Variants in GUCY1A2 observed in about 807,000 individuals in gnomAD.
GUCY1A2 encodes the protein guanylate cyclase soluble subunit alpha-2.
In GUCY1A2, 27 loss-of-function variants were observed where a neutral mutation model predicts 63.5. The ratio of observed to expected loss-of-function variants is 0.43; its 90% CI spans 0.31 to 0.59. The LOEUF is 0.59. GUCY1A2 is among the 20% of genes least tolerant of loss of function. The pLI is 0.11. For missense variants in GUCY1A2, 768 were observed against 913.3 expected (o/e 0.84, Z 2.05); for synonymous variants, 364 against 343.5 (o/e 1.06, Z -0.66).
intron 5 of GUCY1A2, among the ~76,000 whole-genome samples, chr11:106,791,596 T>C (rs1893131): frequency 0.46 from 69,647 of 152,058 alleles, 16,303 homozygotes; most frequent in African/African-American, 0.52. Context: ...TAATTCATTT[T>C]TTAAAGGAGA....
At chr11:106,762,576 A>T (rs936735760) in intron 6 of GUCY1A2, among the ~76,000 whole-genome samples, 1 of 152,080 alleles carries the variant, frequency 6.6e-6, no homozygotes, top group African/African-American at 2.4e-5. Context: ...TATGAAGAAA[A>T]TTATTTTCTG....
rs1248488867 is a variant in GUCY1A2, at chr11:106,816,761, T to C, written c.1207-6283A>G. Among the ~76,000 whole-genome samples the C allele has an allele frequency of 4.0e-5, 6 of 151,408 alleles. No individual in the cohort carries two copies. In the East Asian group the frequency reaches 7.8e-4, roughly 20 times the overall value. On this transcript the variant is annotated intron_variant, in intron 4 of 7. Coordinates refer to ENST00000526355, the MANE Select transcript of GUCY1A2 (RefSeq NM_000855.3). ...ACAAAAATCAACATAAGGAACAAGA[T>C]AGGGGTTATCACTATAGATAATATA... is the stretch of plus-strand genomic sequence containing the variant.
intron 6 of GUCY1A2, among the ~76,000 whole-genome samples, chr11:106,750,615 T>A (rs1863865929): frequency 6.6e-6 from 1 of 151,994 alleles, no homozygotes. Context: ...GACACTACTA[T>A]AAATGAAATG....
chr11:106,786,158 T>C (rs1030578827), intron 5 of GUCY1A2, among the ~76,000 whole-genome samples: 1 of 152,198 alleles, frequency 6.6e-6, no homozygotes, highest in African/African-American at 2.4e-5. Context: ...CCAAGCTCAT[T>C]GTACATAATG....
At chr11:106,688,177 T>C (rs1484059273) in intron 7 of GUCY1A2, among the ~76,000 whole-genome samples, 14 of 152,204 alleles carry the variant, frequency 9.2e-5, no homozygotes, top group Admixed American at 9.2e-4. Context: ...CCTTTTATGT[T>C]TGGTAAACCG....
intron 4 of GUCY1A2, among the ~76,000 whole-genome samples, chr11:106,869,775 T>C (rs1859648089): frequency 6.6e-6 from 1 of 152,142 alleles, no homozygotes; most frequent in African/African-American, 2.4e-5. Flanking sequence ...CAAAGGAATA[T>C]AAATCATGCT....
chr11:106,811,348 A>G (rs1204825799), intron 4 of GUCY1A2, among the ~76,000 whole-genome samples: 2 of 152,060 alleles, frequency 1.3e-5, no homozygotes, highest in Non-Finnish European at 1.5e-5. Context: ...GAGCTGGGGT[A>G]TGGCTACAAC....
intron 6 of GUCY1A2, among the ~76,000 whole-genome samples, chr11:106,730,059 AAT>A (rs60486225): frequency 0.084 from 8,676 of 102,884 alleles, 323 homozygotes; most frequent in Middle Eastern, 0.11. Flanking sequence ...ATCAGCATGG[AAT>A]ATATATATAT....
At chr11:106,695,380 A>T (rs1371721360) in intron 7 of GUCY1A2, among the ~76,000 whole-genome samples, 1 of 152,202 alleles carries the variant, frequency 6.6e-6, no homozygotes, top group Non-Finnish European at 1.5e-5. Context: ...GTTGTTACAA[A>T]TTATTCATCT....
At chr11:106,811,262 C>T (rs927076058) in intron 4 of GUCY1A2, among the ~76,000 whole-genome samples, 3 of 152,002 alleles carry the variant, frequency 2.0e-5, no homozygotes, top group African/African-American at 7.2e-5. Context: ...ACTTAGTGAA[C>T]ACAAGCTTAT....
chr11:106,708,907 G>A (rs1862968432), intron 6 of GUCY1A2, among the ~76,000 whole-genome samples: 1 of 151,162 alleles, frequency 6.6e-6, no homozygotes, highest in Non-Finnish European at 1.5e-5. Flanking sequence ...AAAAATTTAT[G>A]TTTAATTTGC....
At chr11:106,796,054 A>G (rs1291432773) in intron 5 of GUCY1A2, among the ~76,000 whole-genome samples, 3 of 152,046 alleles carry the variant, frequency 2.0e-5, no homozygotes, top group East Asian at 1.9e-4. Flanking sequence ...TCCCTTTACC[A>G]TTACGTAATG....
chr11:106,870,753 GCTT>G (rs1274117116), intron 4 of GUCY1A2, among the ~76,000 whole-genome samples: 3 of 152,078 alleles, frequency 2.0e-5, no homozygotes, highest in African/African-American at 7.2e-5. Flanking sequence ...TTTCCAGAAA[GCTT>G]CTTCTTCTCT....
intron 6 of GUCY1A2, among the ~76,000 whole-genome samples, chr11:106,771,317 T>C (rs1864251056): frequency 1.3e-5 from 2 of 152,198 alleles, no homozygotes; most frequent in Admixed American, 6.5e-5. Flanking sequence ...CTAAAAACTA[T>C]TCAAAATACC....
rs550688439 is a variant in GUCY1A2, at chr11:106,979,403, C to A, written c.366-663G>T. Among the ~76,000 whole-genome samples the A allele has an allele frequency of 6.3e-4, 92 of 145,040 alleles. 1 individual carries two copies. The South Asian group carries it at 0.019, about 30-fold the overall frequency. ...CCAGGAGGCGGAGCTTGCAGTGAGC[C>A]GAGACTGCGCCACTGCACTCCAGCC... On this transcript the variant is annotated intron_variant, in intron 2 of 7. Coordinates refer to ENST00000526355, the MANE Select transcript of GUCY1A2 (RefSeq NM_000855.3).
chr11:106,909,370 T>TGTGTGTGTGTGTGTGA (rs1860260939), intron 4 of GUCY1A2, among the ~76,000 whole-genome samples: 1 of 149,806 alleles, frequency 6.7e-6, no homozygotes, highest in African/African-American at 2.5e-5. Flanking sequence ...TGTGTGTGTG[T>TGTGTGTGTGTGTGTGA]GTGTGTGTGT....
At chr11:106,934,391 CAAATT>C (rs1218304352) in intron 4 of GUCY1A2, among the ~76,000 whole-genome samples, 1 of 152,150 alleles carries the variant, frequency 6.6e-6, no homozygotes, top group Admixed American at 6.5e-5. Context: ...CACACTTTCT[CAAATT>C]AAATTAAGGT....
rs184563752 is a variant in GUCY1A2 at position 106,785,692 on chromosome 11, C to T, written c.1693-9110G>A. Among the ~76,000 whole-genome samples the T allele has an allele frequency of 1.1e-4, 16 of 152,008 alleles. 1 individual carries two copies. The East Asian group carries it at 3.1e-3, about 29-fold the overall frequency. On this transcript the variant is annotated intron_variant, in intron 5 of 7. Transcript: ENST00000526355. ...TCAGGACAACCTGCATAAGAATCAC[C>T]CAGAAGGTATTTGTTAAAAATTAGA...
Position 106,682,804 on chromosome 11 carries a change from A to C in GUCY1A2, c.*4745T>G, listed in dbSNP as rs1862453485. 1 of 212,390 alleles carries C rather than the reference A, an allele frequency of 4.7e-6. No individual in the cohort carries two copies. The highest frequency in any genetic ancestry group is 7.0e-5 in the East Asian group (1 of 14,248). The allele number at this position is 212,390 out of a possible 1,614,324, so 13.2% of individuals were successfully genotyped here. A position where few individuals can be genotyped will look rare whatever the true frequency, so the allele number is the denominator to read the frequency against. On this transcript the variant is annotated 3_prime_UTR_variant, in exon 8 of 8. Coordinates refer to ENST00000526355, the MANE Select transcript of GUCY1A2 (RefSeq NM_000855.3). ...ATAAATGTATCAGTGACCTTTTTTAATTAAAGGAAAGAAGGAACAAAGGAA... is the reference window on the plus strand; with the variant it reads ...ATAAATGTATCAGTGACCTTTTTTACTTAAAGGAAAGAAGGAACAAAGGAA...
Sources: gnomAD v4.1 joint callset for allele counts (sites outside exome capture counted in the v4.1 genomes callset) on GRCh38, gnomAD v4.1.1 for gene constraint, MANE v1.5 for transcripts, NCBI Gene and HGNC (gene_info 2026-07-23, HGNC 2026-07-21) for gene names.